ERCC6L2: variants seen among roughly 807,000 people sequenced by gnomAD.
ERCC6L2 encodes the protein DNA excision repair protein ERCC-6-like 2.
In ERCC6L2, 77 loss-of-function variants were observed where a neutral mutation model predicts 132.0. That is an observed-to-expected ratio of 0.58 (90% CI 0.49 to 0.71). ERCC6L2 has a LOEUF of 0.71. ERCC6L2 is among the 30% of genes least tolerant of loss of function. ERCC6L2 has a pLI of 0.00. For missense variants in ERCC6L2, 1,542 were observed against 1,837.6 expected (o/e 0.84, Z 2.94); for synonymous variants, 583 against 632.4 (o/e 0.92, Z 1.17).
intron 13 of ERCC6L2, among the ~76,000 whole-genome samples, chr9:95,961,862 G>A (rs1389844802): frequency 6.6e-6 from 1 of 152,106 alleles, no homozygotes; most frequent in African/African-American, 2.4e-5. Context: ...TTGCATGGAG[G>A]CAGGCAAAGA....
At chr9:96,010,846 T>C (rs74632043) in intron 18 of ERCC6L2, among the ~76,000 whole-genome samples, 118 of 152,356 alleles carry the variant, frequency 7.7e-4, no homozygotes, top group East Asian at 5.8e-3. Flanking sequence ...TTTGCTGTTA[T>C]ATAGTTCCTG....
At chr9:95,923,126 C>A in intron 8 of ERCC6L2, 134 bp from the exon 9 acceptor site, 2 of 1,013,894 alleles carry the variant, frequency 2.0e-6, no homozygotes, top group Non-Finnish European at 2.8e-6. Context: ...AATTCTTAGT[C>A]TGACTTAGGG....
chr9:95,960,776 G>A (rs1831865231), intron 13 of ERCC6L2, among the ~76,000 whole-genome samples: 1 of 152,112 alleles, frequency 6.6e-6, no homozygotes, highest in Non-Finnish European at 1.5e-5. Context: ...GGAACTATAG[G>A]TGCGTGCTAC....
chr9:95,950,492 C>T (rs1286359637), intron 12 of ERCC6L2, among the ~76,000 whole-genome samples: 1 of 152,012 alleles, frequency 6.6e-6, no homozygotes, highest in Admixed American at 6.5e-5. Flanking sequence ...CTTCCCTGTT[C>T]TTAATTATTT....
At chr9:95,900,511 A>G (rs918190906) in intron 3 of ERCC6L2, among the ~76,000 whole-genome samples, 18 of 152,208 alleles carry the variant, frequency 1.2e-4, no homozygotes, top group Admixed American at 3.3e-4. Flanking sequence ...TTACCCAAGT[A>G]CTATTTGAAA....
chr9:95,944,756 T>C (rs1587951395), intron 12 of ERCC6L2, among the ~76,000 whole-genome samples: 1 of 152,026 alleles, frequency 6.6e-6, no homozygotes, highest in Non-Finnish European at 1.5e-5. Context: ...TAAAGCTGGG[T>C]GTCTGGGGGA....
chr9:95,931,352 C>G (rs574923605), intron 11 of ERCC6L2, among the ~76,000 whole-genome samples: 1 of 152,190 alleles, frequency 6.6e-6, no homozygotes, highest in Non-Finnish European at 1.5e-5. Context: ...TAGTTTCAAT[C>G]TGGCCCAGTT....
chr9:95,965,338 C>T (rs1832103484), intron 13 of ERCC6L2, among the ~76,000 whole-genome samples: 1 of 151,838 alleles, frequency 6.6e-6, no homozygotes, highest in Admixed American at 6.6e-5. Context: ...TATTTTATTT[C>T]TAAAATTGAG....
At chr9:95,924,131 A>G (rs767251225) in intron 9 of ERCC6L2, among the ~76,000 whole-genome samples, 28 of 152,212 alleles carry the variant, frequency 1.8e-4, no homozygotes, top group Non-Finnish European at 3.1e-4. Flanking sequence ...CAACTTTGTT[A>G]TAGTTTTTAA....
intron 17 of ERCC6L2, among the ~76,000 whole-genome samples, chr9:95,997,431 A>G (rs568511325): frequency 3.3e-5 from 5 of 152,350 alleles, no homozygotes; most frequent in African/African-American, 1.2e-4. Flanking sequence ...ATTGCTTCTT[A>G]TGGATTAGCA....
At chr9:95,877,263 C>T (rs1353499028) in intron 1 of ERCC6L2, among the ~76,000 whole-genome samples, 1 of 151,872 alleles carries the variant, frequency 6.6e-6, no homozygotes, top group African/African-American at 2.4e-5. Flanking sequence ...TCTAACTCAA[C>T]TGAATTTATT....
intron 13 of ERCC6L2, among the ~76,000 whole-genome samples, chr9:95,960,058 T>A (rs1444868368): frequency 2.0e-5 from 3 of 152,106 alleles, no homozygotes; most frequent in Admixed American, 1.3e-4. Context: ...TGGACCAAAT[T>A]ACAGCCAGCA....
Position 95,972,195 on chromosome 9 carries a change from C to T in ERCC6L2, c.2444C>T (p.Ser815Phe). ...AVEDSDGNTA[S>F]DDESSDEQPT... is the part of the protein sequence containing the mutation. ...GAGGATAGTGATGGAAATACTGCCT[C>T]TGATGATGAAAGTTCTGATGAGCAG... Residue 815 changes from serine to phenylalanine, a missense_variant, in exon 16 of 19, where the codon TCT becomes TTT. By Grantham distance (155) the Ser-to-Phe change is radical. This residue lies in a region of ERCC6L2 where 945 missense variants were observed against 1,105.2 expected (regional missense o/e 0.86). Transcript: ENST00000653738. 7.7e-7 allele frequency: 1 copy of T among 1,304,262 alleles called. No individual in the cohort carries two copies. The highest frequency in any genetic ancestry group is 2.1e-4 in the Middle Eastern group (1 of 4,698). The allele number at this position is 1,304,262 out of a possible 1,614,324, so 80.8% of individuals were successfully genotyped here.
chr9:95,984,206 A>C (rs1203069555), intron 17 of ERCC6L2, among the ~76,000 whole-genome samples: 4 of 149,476 alleles, frequency 2.7e-5, no homozygotes, highest in African/African-American at 9.8e-5. Flanking sequence ...CATCTCTAAC[A>C]TGTATATGGA....
At chr9:95,902,983 T>C (rs1330115266) in intron 3 of ERCC6L2, among the ~76,000 whole-genome samples, 2 of 152,088 alleles carry the variant, frequency 1.3e-5, no homozygotes, top group Non-Finnish European at 2.9e-5. Flanking sequence ...AATGTTTATG[T>C]GGTTACATGT....
At chr9:96,009,879 G>A (rs544413718) in intron 18 of ERCC6L2, among the ~76,000 whole-genome samples, 1 of 152,300 alleles carries the variant, frequency 6.6e-6, no homozygotes, top group South Asian at 2.1e-4. Flanking sequence ...ACAGGGTCAC[G>A]GGTGAGGTCG....
At chr9:95,966,771 C>T (rs748133549) in intron 14 of ERCC6L2, 57 bp downstream of exon 14, 1 of 1,305,270 alleles carries the variant, frequency 7.7e-7, no homozygotes, top group Non-Finnish European at 9.9e-7. Context: ...TTTTCTTCCT[C>T]AGGAAATCTG....
intron 18 of ERCC6L2, among the ~76,000 whole-genome samples, chr9:96,005,846 C>G (rs1009281779): frequency 3.3e-5 from 5 of 152,122 alleles, no homozygotes; most frequent in African/African-American, 1.2e-4. Flanking sequence ...CAAGAAGGAA[C>G]TCGGTGATGG....
At chr9:95,903,012 TG>T (rs1442833216) in intron 3 of ERCC6L2, among the ~76,000 whole-genome samples, 1 of 152,096 alleles carries the variant, frequency 6.6e-6, no homozygotes, top group Non-Finnish European at 1.5e-5. Flanking sequence ...GTATAGTTTC[TG>T]GGTTTTATGT....
Sources: allele counts gnomAD v4.1 joint callset (sites outside exome capture counted in the v4.1 genomes callset), GRCh38; gene constraint gnomAD v4.1.1; regional missense constraint gnomAD v4.1.1; transcripts MANE v1.5; gene names NCBI Gene and HGNC (gene_info 2026-07-23, HGNC 2026-07-21).